CD96: variants seen among roughly 807,000 people sequenced by gnomAD.
CD96 encodes CD96 molecule.
In CD96, 70 loss-of-function variants were observed where a neutral mutation model predicts 71.3. The observed-to-expected ratio is 0.98, with a 90% CI of 0.81 to 1.20. The LOEUF (loss-of-function observed/expected upper bound fraction) is 1.20, where lower values mean the gene tolerates loss of function less well. Ranked by LOEUF, CD96 falls within the 50% of genes most tolerant of loss-of-function variation. The probability of loss-of-function intolerance (pLI) is 0.00; values close to 1 mark genes in which losing one functional copy is unlikely to be tolerated. For missense variants in CD96, 742 were observed against 677.5 expected (o/e 1.10, Z -1.06); for synonymous variants, 248 against 233.0 (o/e 1.06, Z -0.59).
chr3:111,663,072 A>G (rs532112857), intron 14 of CD96, among the ~76,000 whole-genome samples: 1 of 152,352 alleles, frequency 6.6e-6, no homozygotes, highest in East Asian at 1.9e-4. Context: ...GAGACCTCAG[A>G]AAACTTACAA....
chr3:111,587,222 A>G (rs1936754821), intron 5 of CD96, among the ~76,000 whole-genome samples: 1 of 152,226 alleles, frequency 6.6e-6, no homozygotes, highest in African/African-American at 2.4e-5. Context: ...AGTCTTAGGC[A>G]GCTCCACCCC....
At chr3:111,553,678 C>A (rs1466119368) in intron 2 of CD96, among the ~76,000 whole-genome samples, 1 of 151,804 alleles carries the variant, frequency 6.6e-6, no homozygotes, top group African/African-American at 2.4e-5. Context: ...ATAAGAAAAG[C>A]AGAATAGATA....
intron 2 of CD96, among the ~76,000 whole-genome samples, chr3:111,548,005 T>C (rs189973864): frequency 2.0e-5 from 3 of 152,304 alleles, no homozygotes; most frequent in Admixed American, 2.0e-4. Context: ...TTCTACCCTT[T>C]ACTGTTTTGA....
intron 4 of CD96, among the ~76,000 whole-genome samples, chr3:111,581,231 C>G (rs1031487492): frequency 6.6e-6 from 1 of 152,054 alleles, no homozygotes; most frequent in African/African-American, 2.4e-5. Context: ...TTTCGTGCTT[C>G]CTGGTTTTTG....
Position 111,662,636 on chromosome 3 carries a change from T to G in CD96, c.*53-2891T>G, listed in dbSNP as rs1348304788. 2.0e-5 allele frequency among the ~76,000 whole-genome samples: 3 copies of G among 152,248 alleles called. No individual in the cohort carries two copies. The East Asian group carries it at 5.8e-4, about 29-fold the overall frequency. The stretch of plus-strand genomic sequence containing the variant: ...CTCTTAAGTTCAAAGTTCCATAGGT[T>G]TCTACAGCAGAGGCAAAATGCCACC... On this transcript the variant is annotated intron_variant and NMD_transcript_variant, in intron 14 of 14. Coordinates refer to the CD96 transcript ENST00000494798.
chr3:111,638,459 T>C (rs1369262038), intron 12 of CD96, among the ~76,000 whole-genome samples: 1 of 152,200 alleles, frequency 6.6e-6, no homozygotes, highest in Non-Finnish European at 1.5e-5. Flanking sequence ...CTTAAATTAA[T>C]ATCTGAGAAA....
intron 12 of CD96, among the ~76,000 whole-genome samples, chr3:111,647,040 G>T (rs758892942): frequency 1.4e-4 from 17 of 117,752 alleles, no homozygotes; most frequent in Non-Finnish European, 2.6e-4. Context: ...ACAAAGACAA[G>T]AACAACAAAC....
At chr3:111,568,570 A>G (rs972841826) in intron 3 of CD96, among the ~76,000 whole-genome samples, 2 of 152,182 alleles carry the variant, frequency 1.3e-5, no homozygotes, top group African/African-American at 4.8e-5. Flanking sequence ...AATCGGATTT[A>G]TGATTTAATT....
chr3:111,602,628 C>T (rs1458436382), intron 7 of CD96, among the ~76,000 whole-genome samples: 1 of 152,160 alleles, frequency 6.6e-6, no homozygotes, highest in East Asian at 1.9e-4. Context: ...TGTATTATGT[C>T]TCCCTATTGT....
At chr3:111,561,480 A>G (rs943392520) in intron 2 of CD96, among the ~76,000 whole-genome samples, 86 of 144,852 alleles carry the variant, frequency 5.9e-4, no homozygotes, top group South Asian at 3.7e-3. Flanking sequence ...GTGAGGTGTC[A>G]GTGTGCCCCT....
chr3:111,566,020 A>T (rs1362894209), intron 2 of CD96, among the ~76,000 whole-genome samples: 1 of 148,962 alleles, frequency 6.7e-6, no homozygotes, highest in African/African-American at 2.4e-5. Flanking sequence ...GCATATATTT[A>T]TATATATATT....
intron 8 of CD96, among the ~76,000 whole-genome samples, chr3:111,616,172 A>C (rs996031828): frequency 2.0e-5 from 3 of 152,196 alleles, no homozygotes; most frequent in African/African-American, 4.8e-5. Flanking sequence ...AAAAAAAGTA[A>C]ATCTGATGAG....
intron 10 of CD96, among the ~76,000 whole-genome samples, chr3:111,635,472 A>G (rs1454307106): frequency 2.0e-5 from 3 of 152,248 alleles, no homozygotes; most frequent in African/African-American, 7.2e-5. Context: ...TCATGAAATT[A>G]CAAAAAGAAA....
Position 111,652,015 on chromosome 3 carries a change from C to A in CD96, c.*2209C>A, listed in dbSNP as rs1940105814. The A allele has an allele frequency of 6.6e-6, 1 of 152,188 alleles. No homozygotes were observed. The highest frequency in any genetic ancestry group is 1.5e-5 in the Non-Finnish European group (1 of 68,054). The allele number at this position is 152,188 out of a possible 1,614,324, so 9.4% of individuals were successfully genotyped here. ...ATCTTGGAAGCAGATCCTCCAGCCT[C>A]CAGTCAAGTCTTCAGATAATTGCAA... On this transcript the variant is annotated 3_prime_UTR_variant, in exon 14 of 14. Coordinates refer to ENST00000352690, the MANE Select transcript of CD96 (RefSeq NM_005816.5).
At chr3:111,629,088 T>C (rs2107728432) in intron 10 of CD96, among the ~76,000 whole-genome samples, 1 of 152,286 alleles carries the variant, frequency 6.6e-6, no homozygotes, top group Non-Finnish European at 1.5e-5. Context: ...ATTGACATTA[T>C]GAAGCAACCA....
At chr3:111,630,431 A>G (rs1157111395) in intron 10 of CD96, among the ~76,000 whole-genome samples, 1 of 152,220 alleles carries the variant, frequency 6.6e-6, no homozygotes, top group Admixed American at 6.5e-5. Flanking sequence ...GTTCCTGGGC[A>G]TATACACCCT....
intron 3 of CD96, 41 bp from the exon 4 acceptor site, chr3:111,578,986 C>G (rs769895773): frequency 2.0e-6 from 2 of 979,048 alleles, no homozygotes; most frequent in South Asian, 2.6e-5. Context: ...AGAGCTGGCA[C>G]AGTTGAGGAC....
chr3:111,653,106 G>A (rs185856211), downstream of CD96, among the ~76,000 whole-genome samples: 8 of 152,116 alleles, frequency 5.3e-5, no homozygotes, highest in African/African-American at 1.7e-4. Flanking sequence ...TCATGGGCAC[G>A]ACTAACCCAA....
chr3:111,614,872 T>C (rs1938150914), intron 8 of CD96, among the ~76,000 whole-genome samples: 1 of 152,180 alleles, frequency 6.6e-6, no homozygotes. Flanking sequence ...TCGCTTGGTC[T>C]AAAGTGAAGG....
Sources: allele counts gnomAD v4.1 joint callset (sites outside exome capture counted in the v4.1 genomes callset), GRCh38; gene constraint gnomAD v4.1.1; transcripts MANE v1.5; gene names NCBI Gene and HGNC (gene_info 2026-07-23, HGNC 2026-07-21).